Variants in NRG1 observed in about 807,000 individuals in gnomAD.
NRG1 encodes the protein neuregulin 1.
A neutral mutation model predicts 63.8 loss-of-function variants in NRG1; 18 were observed. The ratio of observed to expected loss-of-function variants is 0.28; its 90% CI spans 0.19 to 0.42. NRG1 has a LOEUF of 0.42. Among genes scored for constraint, NRG1 ranks in the 10% least tolerant of loss-of-function variants. The pLI, the probability that NRG1 is intolerant of heterozygous loss-of-function variation, is 1.00. For missense variants in NRG1, 762 were observed against 814.7 expected (o/e 0.94, Z 0.79); for synonymous variants, 302 against 301.3 (o/e 1.00, Z -0.02).
intron 1 of NRG1, among the ~76,000 whole-genome samples, chr8:32,128,240 C>G (rs1834360906): frequency 6.6e-6 from 1 of 151,912 alleles, no homozygotes; most frequent in Non-Finnish European, 1.5e-5. Flanking sequence ...CCAGCAGGCC[C>G]TCTACTCCAG....
chr8:32,344,745 G>A (rs1804663132), intron 1 of NRG1, among the ~76,000 whole-genome samples: 1 of 151,368 alleles, frequency 6.6e-6, no homozygotes, highest in East Asian at 1.9e-4. Flanking sequence ...ACCATATTTG[G>A]CCAAGAACCA....
Position 32,344,364 on chromosome 8 carries a change from TTC to T in NRG1, c.38-251462_38-251461del, listed in dbSNP as rs1554513647. Among the ~76,000 whole-genome samples, 646 of 66,294 alleles carry T rather than the reference TTC, an allele frequency of 9.7e-3. 18 individuals are homozygous for T. The highest frequency in any genetic ancestry group is 0.065 in the Middle Eastern group (10 of 154). 43.5% of individuals were successfully genotyped at this position (66,294 alleles called of 152,430 possible). A position where few individuals can be genotyped will look rare whatever the true frequency, so the allele number is the denominator to read the frequency against. On this transcript the variant is annotated intron_variant, in intron 1 of 10. Coordinates refer to the NRG1 transcript ENST00000519301. ...TTTCTTTCTTTCTTTCTTTCTTTCTTTCTTTCTTTCTTTCTTTCTCTTTCTTT... is the reference window on the plus strand; with the variant it reads ...TTTCTTTCTTTCTTTCTTTCTTTCTTTTTCTTTCTTTCTTTCTCTTTCTTT...
chr8:31,686,134 T>C (rs1808866337), intron 1 of NRG1, among the ~76,000 whole-genome samples: 1 of 152,200 alleles, frequency 6.6e-6, no homozygotes, highest in Admixed American at 6.5e-5. Flanking sequence ...TAAAACTAAC[T>C]ACATTTCTGT....
chr8:31,789,450 C>G (rs752752704), intron 1 of NRG1, among the ~76,000 whole-genome samples: 1 of 152,184 alleles, frequency 6.6e-6, no homozygotes, highest in Non-Finnish European at 1.5e-5. Flanking sequence ...AAGAACAAGA[C>G]TGGTAGTATA....
chr8:32,759,417 A>G (rs1408445051), exon 10 of NRG1: 1 of 1,613,580 alleles, frequency 6.2e-7, no homozygotes, highest in Admixed American at 1.7e-5. Flanking sequence ...CACTACTGTC[A>G]CCCAGACTCC....
At chr8:32,298,661 C>CCGAGACTG (rs966424273) in intron 1 of NRG1, among the ~76,000 whole-genome samples, 1 of 149,470 alleles carries the variant, frequency 6.7e-6, no homozygotes, top group African/African-American at 2.5e-5. Context: ...TTGCAGTGAG[C>CCGAGACTG]CGAGACTGCA....
intron 1 of NRG1, among the ~76,000 whole-genome samples, chr8:31,653,054 T>A (rs1563258295): frequency 1.6e-5 from 2 of 127,724 alleles, no homozygotes; most frequent in Non-Finnish European, 3.3e-5. Flanking sequence ...TCTCCTCTCC[T>A]CTTGTCTTCC....
At chr8:32,558,177 T>C (rs763274873) in intron 1 of NRG1, among the ~76,000 whole-genome samples, 1 of 152,168 alleles carries the variant, frequency 6.6e-6, no homozygotes. Flanking sequence ...GTCATCGCCT[T>C]CTCAGACTGA....
intron 1 of NRG1, among the ~76,000 whole-genome samples, chr8:32,136,288 G>T (rs11990289): frequency 0.086 from 13,163 of 152,212 alleles, 1,313 homozygotes; most frequent in African/African-American, 0.24. Context: ...ACCTCTTGCA[G>T]GTACTGTTGT....
At chr8:32,018,082 G>A (rs1025211673) in intron 1 of NRG1, among the ~76,000 whole-genome samples, 3 of 152,136 alleles carry the variant, frequency 2.0e-5, no homozygotes, top group Admixed American at 2.0e-4. Flanking sequence ...AAGAATTTTA[G>A]GATTGTGTGC....
rs185539574 is a variant in NRG1, at chr8:32,708,148, C to T, written c.503-19801C>T. Among the ~76,000 whole-genome samples, 561 of 152,158 alleles carry T rather than the reference C, an allele frequency of 3.7e-3. 6 individuals are homozygous for T. The highest frequency in any genetic ancestry group is 0.013 in the African/African-American group (529 of 41,520). On this transcript the variant is annotated intron_variant, in intron 5 of 11. Transcript: ENST00000356819. ...ACTTATATTATCTTATGATGATCTA[C>T]AATAATTTTGATGATGTTCTCAAAT...
At chr8:32,284,734 A>G (rs889100731) in intron 1 of NRG1, among the ~76,000 whole-genome samples, 2 of 152,038 alleles carry the variant, frequency 1.3e-5, no homozygotes, top group African/African-American at 4.8e-5. Flanking sequence ...TTGTTTGTAG[A>G]GACAAAGTTT....
At chr8:32,121,723 GAGAA>G (rs1207440167) in intron 1 of NRG1, among the ~76,000 whole-genome samples, 1 of 151,976 alleles carries the variant, frequency 6.6e-6, no homozygotes, top group Non-Finnish European at 1.5e-5. Flanking sequence ...AAATCAGAGA[GAGAA>G]AGAGAGAGAA....
At chr8:31,666,258 C>A (rs558845240) in intron 1 of NRG1, among the ~76,000 whole-genome samples, 1 of 152,148 alleles carries the variant, frequency 6.6e-6, no homozygotes, top group African/African-American at 2.4e-5. Flanking sequence ...GGAGACACTA[C>A]CTTCTTCAAG....
At chr8:32,490,076 G>A (rs1826368481) in intron 1 of NRG1, among the ~76,000 whole-genome samples, 1 of 152,178 alleles carries the variant, frequency 6.6e-6, no homozygotes. Flanking sequence ...GACCAAGGTA[G>A]GAGGATATCT....
chr8:32,524,688 T>C (rs1830654906), intron 1 of NRG1, among the ~76,000 whole-genome samples: 4 of 152,142 alleles, frequency 2.6e-5, no homozygotes, highest in Admixed American at 2.6e-4. Context: ...GAAACCGAAT[T>C]TCCTAAGTCA....
chr8:32,226,807 C>T (rs74864787), intron 1 of NRG1, among the ~76,000 whole-genome samples: 2,759 of 152,192 alleles, frequency 0.018, 43 homozygotes, highest in South Asian at 0.06. Flanking sequence ...TACATTTTCC[C>T]TGTCAAAATG....
At chr8:32,133,977 G>C (rs1254708612) in intron 1 of NRG1, among the ~76,000 whole-genome samples, 1 of 152,100 alleles carries the variant, frequency 6.6e-6, no homozygotes, top group Non-Finnish European at 1.5e-5. Context: ...GCTAATGTCT[G>C]TAACTTTATT....
At chr8:32,540,131 G>A (rs1832428530) in intron 1 of NRG1, among the ~76,000 whole-genome samples, 1 of 152,176 alleles carries the variant, frequency 6.6e-6, no homozygotes, top group Admixed American at 6.5e-5. Flanking sequence ...GAAAGATAAT[G>A]GTTAATTGGG....
Sources: allele counts gnomAD v4.1 joint callset (sites outside exome capture counted in the v4.1 genomes callset), GRCh38; gene constraint gnomAD v4.1.1; transcripts MANE v1.5; gene names NCBI Gene and HGNC (gene_info 2026-07-23, HGNC 2026-07-21).